PHF2: variants seen among roughly 807,000 people sequenced by gnomAD.
PHF2 encodes the protein lysine-specific demethylase PHF2.
In PHF2, 27 loss-of-function variants were observed where a neutral mutation model predicts 120.5. That is an observed-to-expected ratio of 0.22 (90% CI 0.17 to 0.31). PHF2 has a LOEUF of 0.31. Ranked by LOEUF, PHF2 falls within the 10% of genes least tolerant of loss-of-function variation. The pLI is 1.00. For synonymous variants in PHF2, 568 were observed against 592.5 expected (o/e 0.96, Z 0.60); for missense variants, 1,024 against 1,434.8 (o/e 0.71, Z 4.63).
At chr9:93,640,220 A>G (rs1016456684) in intron 3 of PHF2, among the ~76,000 whole-genome samples, 7 of 152,002 alleles carry the variant, frequency 4.6e-5, no homozygotes, top group African/African-American at 1.7e-4. Flanking sequence ...CTTTGGTTTC[A>G]TGTCTGCCAT....
intron 1 of PHF2, among the ~76,000 whole-genome samples, chr9:93,598,944 C>T (rs1010349095): frequency 3.3e-5 from 5 of 152,202 alleles, no homozygotes; most frequent in South Asian, 2.1e-4. Flanking sequence ...CACCTTTTGA[C>T]GTGGCTGGTA....
At chr9:93,586,594 G>A (rs926809713) in intron 1 of PHF2, among the ~76,000 whole-genome samples, 3 of 152,240 alleles carry the variant, frequency 2.0e-5, no homozygotes, top group Admixed American at 6.5e-5. Context: ...TCCTGGCTGC[G>A]CTTGGCAGCT....
In PHF2 at chr9:93,677,738, T is replaced by G; in HGVS notation, c.*62T>G. ...ACCCCCGGAGCCCCGCGAAAACATC[T>G]GCCTCCCAGGAGGGTGCCGAGCTGC... On this transcript the variant is annotated 3_prime_UTR_variant, in exon 22 of 22. Coordinates refer to ENST00000359246, the MANE Select transcript of PHF2 (RefSeq NM_005392.4). This position sits in a 1 kb window ranked among gnomAD's most constrained non-coding sequence, Gnocchi z 4.4. The G allele has an allele frequency of 7.6e-7, 1 of 1,308,438 alleles. No homozygotes were observed. The highest frequency in any genetic ancestry group is 1.5e-5 in the African/African-American group (1 of 68,608). The allele number at this position is 1,308,438 out of a possible 1,614,324, so 81.1% of individuals were successfully genotyped here.
At chr9:93,604,685 C>G (rs1478434077) in intron 1 of PHF2, among the ~76,000 whole-genome samples, 4 of 152,028 alleles carry the variant, frequency 2.6e-5, no homozygotes, top group Admixed American at 2.6e-4. Flanking sequence ...AGGATGGCCT[C>G]GATCTCCTGA....
chr9:93,651,335 C>A (rs1319198319), intron 5 of PHF2, among the ~76,000 whole-genome samples: 2 of 152,132 alleles, frequency 1.3e-5, no homozygotes, highest in Non-Finnish European at 2.9e-5. Context: ...GTACTTTGGC[C>A]TGTGGTTTTC....
chr9:93,656,302 T>C lies in PHF2; in HGVS notation c.1041-187T>C, dbSNP rs1826458791. ...TTAAAAGGCTGCTGCCTTCTCTTCT[T>C]GGGCACTGACAGAACTCTCATGGGC... is the stretch of plus-strand genomic sequence containing the variant. On this transcript the variant is annotated intron_variant, in intron 8 of 21. Transcript: ENST00000359246. The surrounding 1 kb of genome is among the most constrained non-coding windows in gnomAD (Gnocchi z 4.1). 6.6e-6 allele frequency among the ~76,000 whole-genome samples: 1 copy of C among 152,104 alleles called. No homozygotes were observed. Among genetic ancestry groups the C allele is most frequent in the Non-Finnish European group, 1.5e-5 (1 of 68,022 alleles).
At chr9:93,671,420 G>T (rs1464785714) in intron 17 of PHF2, among the ~76,000 whole-genome samples, 2 of 119,800 alleles carry the variant, frequency 1.7e-5, no homozygotes, top group East Asian at 2.5e-4. Flanking sequence ...GTGGATGTAG[G>T]TACAGGTGTA....
At chr9:93,616,872 T>A (rs376923836) in intron 1 of PHF2, among the ~76,000 whole-genome samples, 1 of 152,150 alleles carries the variant, frequency 6.6e-6, no homozygotes, top group Admixed American at 6.5e-5. Context: ...GCCAGGCTAG[T>A]CTTGAACTCC....
intron 1 of PHF2, among the ~76,000 whole-genome samples, chr9:93,594,235 C>A (rs928725310): frequency 6.7e-6 from 1 of 149,698 alleles, no homozygotes; most frequent in Non-Finnish European, 1.5e-5. Context: ...TAGTCTGCAG[C>A]CTATCTGCCT....
chr9:93,590,157 G>C (rs1399448075), intron 1 of PHF2, among the ~76,000 whole-genome samples: 1 of 152,178 alleles, frequency 6.6e-6, no homozygotes, highest in Non-Finnish European at 1.5e-5. Context: ...TCTACACACT[G>C]GGCAACACAT....
At chr9:93,602,095 C>T (rs1453889820) in intron 1 of PHF2, among the ~76,000 whole-genome samples, 2 of 152,108 alleles carry the variant, frequency 1.3e-5, no homozygotes, top group South Asian at 2.1e-4. Flanking sequence ...CTCTGTGTCC[C>T]AGCCTGGGTT....
intron 1 of PHF2, among the ~76,000 whole-genome samples, chr9:93,622,918 A>T (rs1423933937): frequency 6.6e-6 from 1 of 152,196 alleles, no homozygotes; most frequent in African/African-American, 2.4e-5. Context: ...GCACCAACCC[A>T]TAAAGGCCTG....
chr9:93,627,492 A>ATTTTTTGTTTTTTTTTTTTTTTTTTTTT, intron 1 of PHF2, among the ~76,000 whole-genome samples: 1 of 108,140 alleles, frequency 9.2e-6, no homozygotes, highest in South Asian at 3.4e-4. Flanking sequence ...TTATTTCAGG[A>ATTTTTTGTTTTTTTTTTTTTTTTTTTTT]TTTTTTTTTT....
chr9:93,657,377 A>G (rs551066497), intron 9 of PHF2, among the ~76,000 whole-genome samples: 1 of 152,050 alleles, frequency 6.6e-6, no homozygotes, highest in South Asian at 2.1e-4. Context: ...CTGTTCCCCA[A>G]ATCTGGAGCC....
intron 1 of PHF2, chr9:93,594,850 T>C (rs1390207179): frequency 1.3e-5 from 2 of 153,134 alleles, no homozygotes; most frequent in Non-Finnish European, 2.9e-5. Flanking sequence ...CAAAAGTAAT[T>C]GCGGTTTTTG....
At chr9:93,580,290 C>T (rs1178472395) in intron 1 of PHF2, among the ~76,000 whole-genome samples, 1 of 152,222 alleles carries the variant, frequency 6.6e-6, no homozygotes, top group African/African-American at 2.4e-5. Context: ...CAGGACCTGG[C>T]AGGAGGCCGC....
intron 5 of PHF2, among the ~76,000 whole-genome samples, chr9:93,649,634 A>T (rs1316041785): frequency 6.6e-6 from 1 of 151,498 alleles, no homozygotes; most frequent in Non-Finnish European, 1.5e-5. Context: ...CACAACATTC[A>T]CGCTTACTCA....
rs563501284 is a variant in PHF2 at position 93,663,434 on chromosome 9, G to C, written c.1819-83G>C. 6 of 843,096 alleles carry C rather than the reference G, an allele frequency of 7.1e-6. No individual in the cohort carries two copies. In the South Asian group the frequency reaches 8.0e-5, roughly 11 times the overall value. The allele number at this position is 843,096 out of a possible 1,614,324, so 52.2% of individuals were successfully genotyped here. A position where few individuals can be genotyped will look rare whatever the true frequency, so the allele number is the denominator to read the frequency against. ...TTCCTTAGTCGTGTTCCCAGTAGCT[G>C]CCTCTTCTCACTGACACTAATTGGG... On this transcript the variant is annotated intron_variant, in intron 13 of 21. Transcript: ENST00000359246.
chr9:93,597,390 A>G (rs1825355155), intron 1 of PHF2, among the ~76,000 whole-genome samples: 1 of 152,162 alleles, frequency 6.6e-6, no homozygotes, highest in Non-Finnish European at 1.5e-5. Flanking sequence ...TGCAGAGACC[A>G]TGCAGACCCT....
Sources: allele counts gnomAD v4.1 joint callset (sites outside exome capture counted in the v4.1 genomes callset), GRCh38; gene constraint gnomAD v4.1.1; non-coding constraint Gnocchi (gnomAD v3.1); transcripts MANE v1.5; gene names NCBI Gene and HGNC (gene_info 2026-07-23, HGNC 2026-07-21).